The following KLF16 variants were observed in gnomAD, a reference collection of about 807,000 sequenced individuals.
KLF16 encodes the protein Krueppel-like factor 16.
Under a neutral mutation model 6.1 loss-of-function variants are expected in KLF16, and 6 were observed. That is an observed-to-expected ratio of 0.98 (90% CI 0.54 to 1.93). The LOEUF (loss-of-function observed/expected upper bound fraction) is 1.93, where lower values mean the gene tolerates loss of function less well. Ranked by LOEUF, KLF16 falls within the 30% of genes most tolerant of loss-of-function variation. The probability of loss-of-function intolerance (pLI) is 0.01; values close to 1 mark genes in which losing one functional copy is unlikely to be tolerated. For synonymous variants in KLF16, 211 were observed against 176.5 expected (o/e 1.20, Z -1.55); for missense variants, 355 against 363.8 (o/e 0.98, Z 0.20).
chr19:1,858,198 C>T (rs563833944), intron 1 of KLF16, among the ~76,000 whole-genome samples: 1 of 152,270 alleles, frequency 6.6e-6, no homozygotes, highest in East Asian at 1.9e-4. Context: ...CTTCGGGATC[C>T]GTCCAGGCCC....
intron 1 of KLF16, among the ~76,000 whole-genome samples, chr19:1,856,950 C>A (rs866907254): frequency 6.9e-5 from 3 of 43,272 alleles, no homozygotes; most frequent in South Asian, 8.0e-4. Flanking sequence ...AGCAGGTTGC[C>A]GGGGTGGGGG....
At chr19:1,874,493 A>C in the KLF16 span, among the ~76,000 whole-genome samples, 158 of 151,524 alleles carry the variant, frequency 1.0e-3, no homozygotes, top group African/African-American at 3.7e-3. Context: ...ATATATGGGG[A>C]AAAAAAAACC....
In KLF16 at chr19:1,862,410, G is replaced by A. The variant is rs531510716; in HGVS notation, c.457+631C>T. Among the ~76,000 whole-genome samples the A allele has an allele frequency of 1.9e-3, 289 of 152,226 alleles. 2 individuals are homozygous for A. The highest frequency in any genetic ancestry group is 3.5e-3 in the Non-Finnish European group (239 of 67,998). ...CAGTGTGGACCCGAGCCCCTCGAGG[G>A]TCCTCCAATACTATGAAGTTCCCCC... On this transcript the variant is annotated intron_variant, in intron 1 of 1. Coordinates refer to ENST00000250916, the MANE Select transcript of KLF16 (RefSeq NM_031918.4).
At chr19:1,854,900 T>C (rs2011916800) in intron 1 of KLF16, 140 bp from the exon 2 acceptor site, 4 of 875,152 alleles carry the variant, frequency 4.6e-6, no homozygotes, top group Non-Finnish European at 6.9e-6. Flanking sequence ...GTTCAAAACA[T>C]GGAGAAGCAC....
Position 1,863,357 on chromosome 19 carries a change from G to A in KLF16, c.141C>T (p.Arg47=). The change falls in exon 1 of 2, where the codon CGC becomes CGT. Residue 47 remains arginine (R), a synonymous_variant. Transcript: ENST00000250916. Reference sequence around the variant, plus strand: ...GGGTCCCGGGTGAGGCGGCCTCGCGGCGCGCCGCGCGCACATCCAGGCCGG... The same window carrying A: ...GGGTCCCGGGTGAGGCGGCCTCGCGACGCGCCGCGCGCACATCCAGGCCGG... ...PAAGLDVRAA[R]REAASPGTPG... is the part of the protein sequence containing the mutation. The A allele has an allele frequency of 1.0e-6, 1 of 980,514 alleles. No homozygotes were observed. Among genetic ancestry groups the A allele is most frequent in the Non-Finnish European group, 1.2e-6 (1 of 828,278 alleles). The allele number at this position is 980,514 out of a possible 1,614,324, so 60.7% of individuals were successfully genotyped here.
the KLF16 span, among the ~76,000 whole-genome samples, chr19:1,870,247 C>T: frequency 2.0e-5 from 3 of 151,346 alleles, no homozygotes; most frequent in African/African-American, 4.8e-5. Context: ...ACTTTTTAAA[C>T]AAATATGAAA....
At chr19:1,863,988 CG>C (rs2012135816), upstream of KLF16, among the ~76,000 whole-genome samples, 1 of 144,886 alleles carries the variant, frequency 6.9e-6, no homozygotes, top group Non-Finnish European at 1.5e-5. Flanking sequence ...CCCCTCAAGC[CG>C]GGGCGGGAGG....
At chr19:1,862,930 C>T (rs1425263974) in intron 1 of KLF16, 111 bp downstream of exon 1, 3 of 510,684 alleles carry the variant, frequency 5.9e-6, no homozygotes, top group Non-Finnish European at 5.2e-6. Flanking sequence ...GGCGGCGGCC[C>T]GGGCGCGCCC....
intron 1 of KLF16, among the ~76,000 whole-genome samples, chr19:1,856,855 C>G (rs1384063539): frequency 6.6e-6 from 1 of 151,708 alleles, no homozygotes; most frequent in East Asian, 1.9e-4. Flanking sequence ...GGCTGGGTGC[C>G]GGACAGTCAG....
At chr19:1,866,658 C>A (rs1437221064), upstream of KLF16, among the ~76,000 whole-genome samples, 1 of 151,448 alleles carries the variant, frequency 6.6e-6, no homozygotes, top group Non-Finnish European at 1.5e-5. Context: ...CACCTGTAGT[C>A]CCAGCTACTC....
At chr19:1,871,593 T>C in the KLF16 span, among the ~76,000 whole-genome samples, 2 of 151,980 alleles carry the variant, frequency 1.3e-5, no homozygotes, top group African/African-American at 4.8e-5. Flanking sequence ...CCACTCAGGG[T>C]ATATTTCTGT....
At chr19:1,865,020 C>T (rs964474659), upstream of KLF16, among the ~76,000 whole-genome samples, 3 of 152,264 alleles carry the variant, frequency 2.0e-5, no homozygotes, top group African/African-American at 7.2e-5. Context: ...CCCCGCCCAC[C>T]TGCAACCCCA....
chr19:1,860,085 G>A (rs1309671562), intron 1 of KLF16, among the ~76,000 whole-genome samples: 2 of 151,028 alleles, frequency 1.3e-5, no homozygotes, highest in Admixed American at 6.6e-5. Flanking sequence ...TGGAGGTGCA[G>A]GCTGACGGTG....
intron 1 of KLF16, among the ~76,000 whole-genome samples, chr19:1,859,321 C>CA (rs912008357): frequency 1.2e-4 from 18 of 152,076 alleles, no homozygotes; most frequent in Admixed American, 6.5e-5. Flanking sequence ...GGCAGGCACT[C>CA]AGACACTCCT....
intron 1 of KLF16, chr19:1,862,644 G>A (rs1292970325): frequency 1.9e-5 from 4 of 205,940 alleles, no homozygotes; most frequent in Non-Finnish European, 2.9e-5. Context: ...GAGGCTGGGG[G>A]AGGGGGAGAA....
Position 1,863,036 on chromosome 19 carries a change from C to T in KLF16, c.457+5G>A, listed in dbSNP as rs745668809. The T allele has an allele frequency of 7.3e-7, 1 of 1,374,426 alleles. No homozygotes were observed. The highest frequency in any genetic ancestry group is 3.6e-5 in the East Asian group (1 of 27,998). 85.1% of individuals were successfully genotyped at this position (1,374,426 alleles called of 1,614,324 possible). A position where few individuals can be genotyped will look rare whatever the true frequency, so the allele number is the denominator to read the frequency against. On this transcript the variant is annotated splice_donor_5th_base_variant and intron_variant, in intron 1 of 1. Coordinates refer to ENST00000250916, the MANE Select transcript of KLF16 (RefSeq NM_031918.4). ...CGCAAGGGCCGGGATCGCGGCTGCA[C>T]TCACCTGTGTGCGTCCGCAGGTGCG...
upstream of KLF16, among the ~76,000 whole-genome samples, chr19:1,867,473 G>A (rs1396498518): frequency 6.6e-6 from 1 of 152,272 alleles, no homozygotes; most frequent in Non-Finnish European, 1.5e-5. Flanking sequence ...TCTTCGGGAG[G>A]CCGAGGCGGG....
chr19:1,864,107 C>T (rs1340242055), upstream of KLF16, among the ~76,000 whole-genome samples: 1 of 147,640 alleles, frequency 6.8e-6, no homozygotes, highest in Non-Finnish European at 1.5e-5. Flanking sequence ...CTCGCTGGCG[C>T]GCCCACCCCA....
chr19:1,863,988 C>T (rs1353983183), upstream of KLF16, among the ~76,000 whole-genome samples: 1 of 144,886 alleles, frequency 6.9e-6, no homozygotes, highest in Non-Finnish European at 1.5e-5. Context: ...CCCCTCAAGC[C>T]GGGGCGGGAG....
Sources: allele counts gnomAD v4.1 joint callset (sites outside exome capture counted in the v4.1 genomes callset), GRCh38; gene constraint gnomAD v4.1.1; transcripts MANE v1.5; gene names NCBI Gene and HGNC (gene_info 2026-07-23, HGNC 2026-07-21).